FHIT: variants seen among roughly 807,000 people sequenced by gnomAD.
The protein encoded by FHIT is fragile histidine triad diadenosine triphosphatase.
In FHIT, 19 loss-of-function variants were observed where a neutral mutation model predicts 17.9. The ratio of observed to expected loss-of-function variants is 1.06; its 90% CI spans 0.74 to 1.56. The LOEUF (loss-of-function observed/expected upper bound fraction) is 1.56, where lower values mean the gene tolerates loss of function less well. FHIT is among the 40% of genes most tolerant of loss of function. The pLI is 0.00. For missense variants in FHIT, 248 were observed against 189.2 expected, an observed-to-expected ratio of 1.31 and a Z score of -1.82; for synonymous variants, 81 against 69.7, an observed-to-expected ratio of 1.16 and a Z score of -0.81.
chr3:60,857,066 G>C (rs1373592687), intron 3 of FHIT, among the ~76,000 whole-genome samples: 1 of 152,160 alleles, frequency 6.6e-6, no homozygotes, highest in African/African-American at 2.4e-5. Flanking sequence ...TACATTGTAA[G>C]ATCCATAAAG....
chr3:60,065,255 A>C (rs1465343133), intron 5 of FHIT, among the ~76,000 whole-genome samples: 3 of 152,206 alleles, frequency 2.0e-5, no homozygotes. Context: ...TAGAATGCTT[A>C]GTACTTAAAG....
intron 1 of FHIT, among the ~76,000 whole-genome samples, chr3:61,215,081 C>T (rs1413268479): frequency 6.6e-6 from 1 of 151,604 alleles, no homozygotes; most frequent in East Asian, 1.9e-4. Context: ...GGAAGCATTC[C>T]CTTTGAAAAC....
intron 4 of FHIT, among the ~76,000 whole-genome samples, chr3:60,665,464 G>T (rs2040358958): frequency 6.6e-6 from 1 of 151,816 alleles, no homozygotes; most frequent in Non-Finnish European, 1.5e-5. Context: ...CTGTTATTTG[G>T]TATGTACATA....
intron 9 of FHIT, chr3:59,750,387 A>T (rs908377931): frequency 4.5e-5 from 10 of 224,508 alleles, no homozygotes; most frequent in African/African-American, 2.0e-4. Context: ...CACCCCATTT[A>T]AATTTGAACA....
At chr3:60,156,963 G>C (rs1700726009) in intron 5 of FHIT, among the ~76,000 whole-genome samples, 1 of 151,832 alleles carries the variant, frequency 6.6e-6, no homozygotes. Flanking sequence ...TAAAATAGAA[G>C]TGTTAGATAC....
intron 8 of FHIT, among the ~76,000 whole-genome samples, chr3:59,821,359 G>A (rs1352172137): frequency 1.3e-5 from 2 of 152,206 alleles, no homozygotes; most frequent in African/African-American, 4.8e-5. Context: ...TCGGGGTAAA[G>A]AGTGCTCTGA....
At chr3:59,830,790 A>G (rs1246734378) in intron 8 of FHIT, among the ~76,000 whole-genome samples, 1 of 152,230 alleles carries the variant, frequency 6.6e-6, no homozygotes, top group Admixed American at 6.5e-5. Flanking sequence ...AAAGACTTAC[A>G]GTTAAGCACT....
chr3:60,946,826 A>C (rs527419329), intron 3 of FHIT, among the ~76,000 whole-genome samples: 1 of 152,316 alleles, frequency 6.6e-6, no homozygotes, highest in East Asian at 1.9e-4. Flanking sequence ...AAGAGTATCA[A>C]GCAGCTATCC....
intron 3 of FHIT, among the ~76,000 whole-genome samples, chr3:60,904,116 T>G (rs1706265517): frequency 6.6e-6 from 1 of 152,214 alleles, no homozygotes; most frequent in South Asian, 2.1e-4. Flanking sequence ...AGCAAATTTG[T>G]AAGACATTTC....
intron 8 of FHIT, among the ~76,000 whole-genome samples, chr3:59,830,774 C>T (rs1559643195): frequency 1.3e-5 from 2 of 152,260 alleles, no homozygotes; most frequent in African/African-American, 4.8e-5. Context: ...TAGCACTGGC[C>T]CTCAAAAAGA....
intron 5 of FHIT, among the ~76,000 whole-genome samples, chr3:60,221,850 T>G (rs962315834): frequency 2.0e-5 from 3 of 152,154 alleles, no homozygotes; most frequent in Non-Finnish European, 4.4e-5. Flanking sequence ...CAATTCTCTA[T>G]CGCTGTCCTA....
intron 5 of FHIT, among the ~76,000 whole-genome samples, chr3:60,425,990 A>C (rs1194477249): frequency 6.6e-6 from 1 of 152,160 alleles, no homozygotes; most frequent in Non-Finnish European, 1.5e-5. Context: ...TGTGCACAGC[A>C]ATAACAATAC....
At chr3:60,126,874 C>A (rs778540706) in intron 5 of FHIT, among the ~76,000 whole-genome samples, 1 of 152,208 alleles carries the variant, frequency 6.6e-6, no homozygotes, top group Admixed American at 6.5e-5. Flanking sequence ...TACTCACCAA[C>A]TGGCTTGTGA....
chr3:60,163,438 C>T (rs559531439), intron 5 of FHIT, among the ~76,000 whole-genome samples: 3 of 152,282 alleles, frequency 2.0e-5, no homozygotes, highest in African/African-American at 4.8e-5. Context: ...CACCCCTCCA[C>T]GTACACATCA....
chr3:60,683,531 A>AT (rs11439537), intron 4 of FHIT, among the ~76,000 whole-genome samples: 129,319 of 151,834 alleles, frequency 0.85, 56,023 homozygotes, highest in Non-Finnish European at 0.94. Flanking sequence ...AAGATAACAT[A>AT]TTTTTTTATA....
At chr3:60,175,581 G>A (rs1271697334) in intron 5 of FHIT, among the ~76,000 whole-genome samples, 2 of 152,100 alleles carry the variant, frequency 1.3e-5, no homozygotes, top group Admixed American at 6.5e-5. Flanking sequence ...GGCAATACGA[G>A]CAAAGTTACA....
At chr3:60,720,748 C>T (rs1363010068) in intron 4 of FHIT, among the ~76,000 whole-genome samples, 1 of 152,096 alleles carries the variant, frequency 6.6e-6, no homozygotes, top group African/African-American at 2.4e-5. Flanking sequence ...CTGTGGTCTC[C>T]CAGCCTTCCA....
chr3:60,884,910 CAAA>C (rs71092651), intron 3 of FHIT, among the ~76,000 whole-genome samples: 3 of 110,266 alleles, frequency 2.7e-5, no homozygotes, highest in Non-Finnish European at 5.6e-5. Flanking sequence ...GACCCTTTCT[CAAA>C]AAAAAAAAAA....
chr3:60,128,759 T>C (rs1338174510), intron 5 of FHIT, among the ~76,000 whole-genome samples: 2 of 152,148 alleles, frequency 1.3e-5, no homozygotes. Context: ...ATAGAAATGA[T>C]ATAGTCCATT....
Sources: allele counts gnomAD v4.1 joint callset (sites outside exome capture counted in the v4.1 genomes callset), GRCh38; gene constraint gnomAD v4.1.1; transcripts MANE v1.5; gene names NCBI Gene and HGNC (gene_info 2026-07-23, HGNC 2026-07-21).